Variants in CEP112 observed in about 807,000 individuals in gnomAD.
The protein encoded by CEP112 is centrosomal protein of 112 kDa.
A neutral mutation model predicts 153.0 loss-of-function variants in CEP112; 127 were observed. The ratio of observed to expected loss-of-function variants is 0.83; its 90% CI spans 0.72 to 0.96. The LOEUF (loss-of-function observed/expected upper bound fraction) is 0.96. Ranked by LOEUF, CEP112 falls within the 40% of genes least tolerant of loss-of-function variation. CEP112 has a pLI of 0.00. For synonymous variants in CEP112, 358 were observed against 374.4 expected (o/e 0.96, Z 0.51); for missense variants, 1,089 against 1,101.2 (o/e 0.99, Z 0.16).
intron 21 of CEP112, among the ~76,000 whole-genome samples, chr17:65,765,508 G>C (rs988306644): frequency 2.0e-5 from 3 of 151,944 alleles, no homozygotes; most frequent in African/African-American, 7.3e-5. Context: ...CGAGAACCTG[G>C]TCAAGCTCCT....
intron 20 of CEP112, among the ~76,000 whole-genome samples, chr17:65,887,864 G>T (rs908216569): frequency 6.6e-6 from 1 of 152,136 alleles, no homozygotes; most frequent in African/African-American, 2.4e-5. Context: ...TCATGGAGGG[G>T]GTGTTTCCTC....
chr17:65,949,770 T>C (rs1313875895), intron 18 of CEP112, among the ~76,000 whole-genome samples: 2 of 152,138 alleles, frequency 1.3e-5, no homozygotes, highest in African/African-American at 2.4e-5. Flanking sequence ...ATTCCACAAA[T>C]AGGATCTTTC....
chr17:65,681,370 T>C (rs1317010438), intron 24 of CEP112, among the ~76,000 whole-genome samples: 4 of 152,062 alleles, frequency 2.6e-5, no homozygotes, highest in Non-Finnish European at 4.4e-5. Flanking sequence ...GGCCCTCTTA[T>C]ATCCCTCTAT....
chr17:65,729,911 TCAAACAAACAAACAAACAAA>T (rs67336747), intron 23 of CEP112, among the ~76,000 whole-genome samples: 26 of 151,232 alleles, frequency 1.7e-4, no homozygotes, highest in African/African-American at 5.4e-4. Flanking sequence ...AGATCCTGTC[TCAAACAAACAAACAAACAAA>T]CAAACAAACA....
chr17:66,154,709 G>A (rs935187273), intron 4 of CEP112, among the ~76,000 whole-genome samples: 1 of 151,384 alleles, frequency 6.6e-6, no homozygotes, highest in Non-Finnish European at 1.5e-5. Context: ...CTCTGATCTT[G>A]TAACAGGCGA....
At chr17:65,785,347 C>G (rs2054224682) in intron 21 of CEP112, among the ~76,000 whole-genome samples, 1 of 152,182 alleles carries the variant, frequency 6.6e-6, no homozygotes, top group Non-Finnish European at 1.5e-5. Context: ...AGTTGAATTG[C>G]TGAGTCATGT....
chr17:66,183,274 T>C lies in CEP112; in HGVS notation c.26A>G (p.Lys9Arg). ...AAATTCTGCATCCAGCTTCTCCCAT[T>C]TTTCTTCTTCACTTCCCACTTCCAT... MEVGSEEE[K>R]WEKLDAEFDH... The change falls in exon 2 of 27, where the codon AAA (lysine) becomes AGA (arginine). Residue 9 changes from lysine (K) to arginine (R), a missense_variant. Coordinates refer to ENST00000535342, the MANE Select transcript of CEP112 (RefSeq NM_001199165.4). The C allele has an allele frequency of 6.2e-7, 1 of 1,612,648 alleles. No individual in the cohort carries two copies. The highest frequency in any genetic ancestry group is 8.5e-7 in the Non-Finnish European group (1 of 1,179,380).
Position 65,688,917 on chromosome 17 carries a change from G to T in CEP112, c.2697+212C>A, listed in dbSNP as rs542639687. The T allele has an allele frequency of 6.3e-4, 235 of 374,772 alleles. 2 individuals carry two copies. The highest frequency in any genetic ancestry group is 8.2e-4 in the Admixed American group (19 of 23,064). The allele number at this position is 374,772 out of a possible 1,614,324, so 23.2% of individuals were successfully genotyped here. ...CAAGTAACTGGGATTACAGGCACCT[G>T]CCACCACACCCAGTTAATTTTTGTA... On this transcript the variant is annotated intron_variant, in intron 24 of 26. Coordinates refer to ENST00000535342, the MANE Select transcript of CEP112 (RefSeq NM_001199165.4).
At chr17:65,681,669 T>C (rs2047533387) in intron 24 of CEP112, among the ~76,000 whole-genome samples, 3 of 140,264 alleles carry the variant, frequency 2.1e-5, no homozygotes, top group Admixed American at 1.5e-4. Context: ...ATTTTTCCTT[T>C]TTTTAATTTT....
intron 16 of CEP112, among the ~76,000 whole-genome samples, chr17:66,017,556 T>C (rs2064823943): frequency 6.6e-6 from 1 of 152,224 alleles, no homozygotes; most frequent in African/African-American, 2.4e-5. Flanking sequence ...ATCTGTATTG[T>C]TTAAGAGCCT....
chr17:65,710,097 T>C (rs1405336652), intron 23 of CEP112, among the ~76,000 whole-genome samples: 1 of 152,164 alleles, frequency 6.6e-6, no homozygotes, highest in Non-Finnish European at 1.5e-5. Flanking sequence ...GCAGGCACAT[T>C]CAGGTGTGAG....
chr17:66,178,417 T>A (rs1194377678), intron 2 of CEP112, among the ~76,000 whole-genome samples: 4 of 152,132 alleles, frequency 2.6e-5, no homozygotes, highest in Non-Finnish European at 5.9e-5. Context: ...GATTATTTGA[T>A]TTTTTTGTAT....
chr17:65,707,424 T>C (rs937012761), intron 23 of CEP112, among the ~76,000 whole-genome samples: 1 of 152,126 alleles, frequency 6.6e-6, no homozygotes, highest in Non-Finnish European at 1.5e-5. Context: ...CCATACATTC[T>C]ACACGTCAGG....
At chr17:65,890,708 C>T (rs1271186708) in intron 20 of CEP112, among the ~76,000 whole-genome samples, 2 of 152,136 alleles carry the variant, frequency 1.3e-5, no homozygotes, top group Non-Finnish European at 2.9e-5. Context: ...TGTTTCTAGA[C>T]AGTAGAAATG....
At chr17:66,044,066 G>A (rs2066099080) in intron 12 of CEP112, among the ~76,000 whole-genome samples, 2 of 151,980 alleles carry the variant, frequency 1.3e-5, no homozygotes, top group African/African-American at 4.8e-5. Flanking sequence ...CCTATGACAA[G>A]GTTTGAATGC....
At chr17:65,649,308 A>G (rs1009732537) in intron 24 of CEP112, among the ~76,000 whole-genome samples, 2 of 152,192 alleles carry the variant, frequency 1.3e-5, no homozygotes. Context: ...GAGCTGAGAA[A>G]AGAGGAACCT....
At chr17:65,884,962 C>G (rs1361897856) in intron 20 of CEP112, among the ~76,000 whole-genome samples, 3 of 151,914 alleles carry the variant, frequency 2.0e-5, no homozygotes, top group Non-Finnish European at 4.4e-5. Flanking sequence ...GTGATCCACC[C>G]TCCTCGGCCT....
intron 6 of CEP112, among the ~76,000 whole-genome samples, chr17:66,105,698 G>A (rs2068754201): frequency 1.3e-5 from 2 of 152,078 alleles, no homozygotes; most frequent in African/African-American, 4.8e-5. Context: ...GGAGGCTGAG[G>A]TGGGAGGATG....
intron 22 of CEP112, among the ~76,000 whole-genome samples, chr17:65,745,242 C>T (rs1351124295): frequency 1.3e-5 from 2 of 152,140 alleles, no homozygotes; most frequent in Non-Finnish European, 2.9e-5. Context: ...TATATAATAA[C>T]AACATGTCAA....
Sources: gnomAD v4.1 joint callset for allele counts (sites outside exome capture counted in the v4.1 genomes callset) on GRCh38, gnomAD v4.1.1 for gene constraint, MANE v1.5 for transcripts, NCBI Gene and HGNC (gene_info 2026-07-23, HGNC 2026-07-21) for gene names.